DPY19L4: variants seen among roughly 807,000 people sequenced by gnomAD.
DPY19L4 encodes the protein probable C-mannosyltransferase DPY19L4.
Under a neutral mutation model 102.8 loss-of-function variants are expected in DPY19L4, and 97 were observed. The ratio of observed to expected loss-of-function variants is 0.94; its 90% CI spans 0.80 to 1.12. The LOEUF (loss-of-function observed/expected upper bound fraction) is 1.12, where lower values mean the gene tolerates loss of function less well. Ranked by LOEUF, DPY19L4 falls within the 50% of genes most tolerant of loss-of-function variation. The probability of loss-of-function intolerance (pLI) is 0.00; values close to 1 mark genes in which losing one functional copy is unlikely to be tolerated. For missense variants in DPY19L4, 815 were observed against 850.4 expected, an observed-to-expected ratio of 0.96 and a Z score of 0.52; for synonymous variants, 252 against 283.1, an observed-to-expected ratio of 0.89 and a Z score of 1.10.
intron 6 of DPY19L4, among the ~76,000 whole-genome samples, chr8:94,747,683 C>T (rs1437693952): frequency 1.3e-4 from 20 of 151,588 alleles, no homozygotes. Context: ...CTCAGCTTCC[C>T]GAGTAGCTAG....
intron 6 of DPY19L4, among the ~76,000 whole-genome samples, chr8:94,749,368 C>G (rs909693925): frequency 1.3e-5 from 2 of 152,104 alleles, no homozygotes; most frequent in Non-Finnish European, 2.9e-5. Context: ...AGACAAAGGT[C>G]CCTCAGCAAG....
intron 13 of DPY19L4, among the ~76,000 whole-genome samples, chr8:94,772,782 C>T (rs183852848): frequency 2.2e-4 from 33 of 152,284 alleles, no homozygotes; most frequent in African/African-American, 6.7e-4. Context: ...CCCAAAGGAC[C>T]CAGGCAAATG....
At chr8:94,742,416 A>G (rs749383936) in intron 6 of DPY19L4, among the ~76,000 whole-genome samples, 2 of 152,032 alleles carry the variant, frequency 1.3e-5, no homozygotes, top group Non-Finnish European at 2.9e-5. Flanking sequence ...TTTTTGAGAC[A>G]GAGTCTTACT....
chr8:94,751,831 G>A (rs1811945683), intron 6 of DPY19L4, among the ~76,000 whole-genome samples: 1 of 152,124 alleles, frequency 6.6e-6, no homozygotes, highest in African/African-American at 2.4e-5. Context: ...GTGTTTTCTA[G>A]AATTATATAT....
chr8:94,778,455 A>C (rs1195320597), intron 14 of DPY19L4, among the ~76,000 whole-genome samples: 1 of 152,126 alleles, frequency 6.6e-6, no homozygotes, highest in African/African-American at 2.4e-5. Context: ...TAATTATAGC[A>C]CACTTAATTT....
chr8:94,775,500 A>G (rs1361772383), intron 13 of DPY19L4, among the ~76,000 whole-genome samples: 1 of 152,114 alleles, frequency 6.6e-6, no homozygotes, highest in Non-Finnish European at 1.5e-5. Context: ...AAAAAAAGAA[A>G]TTCTTTTGTA....
At chr8:94,780,979 T>C in intron 15 of DPY19L4, 105 bp from the exon 16 acceptor site, 1 of 919,046 alleles carries the variant, frequency 1.1e-6, no homozygotes, top group Non-Finnish European at 1.6e-6. Context: ...TCATTTGCCT[T>C]AAGTTAGTCT....
Position 94,723,334 on chromosome 8 carries a change from G to A in DPY19L4, c.17-2997G>A, listed in dbSNP as rs546636243. ...TAAAAATACAAAAAATTAGCTGGGCGTAGTGGCGGATGCCTGTAATCCCAG... is the reference window on the plus strand; with the variant it reads ...TAAAAATACAAAAAATTAGCTGGGCATAGTGGCGGATGCCTGTAATCCCAG... On this transcript the variant is annotated intron_variant, in intron 1 of 18. Transcript: ENST00000414645. Among the ~76,000 whole-genome samples the A allele has an allele frequency of 1.9e-3, 284 of 152,224 alleles. 1 individual carries two copies. The highest frequency in any genetic ancestry group is 4.5e-3 in the African/African-American group (189 of 41,542).
At chr8:94,784,753 G>T (rs1813584873) in intron 17 of DPY19L4, among the ~76,000 whole-genome samples, 1 of 152,118 alleles carries the variant, frequency 6.6e-6, no homozygotes, top group Non-Finnish European at 1.5e-5. Context: ...TTAAAAGAAG[G>T]CTGTCAATTA....
chr8:94,752,760 G>T (rs974096413), intron 6 of DPY19L4, among the ~76,000 whole-genome samples: 4 of 150,416 alleles, frequency 2.7e-5, no homozygotes, highest in African/African-American at 7.3e-5. Flanking sequence ...CGCCACCCCG[G>T]TTCACGCCAT....
intron 6 of DPY19L4, among the ~76,000 whole-genome samples, chr8:94,751,316 C>T (rs998198796): frequency 6.6e-6 from 1 of 151,520 alleles, no homozygotes; most frequent in Non-Finnish European, 1.5e-5. Context: ...GACGGGGTTA[C>T]ACTATGTTGG....
At chr8:94,768,322 T>G in intron 11 of DPY19L4, 73 bp from the exon 12 acceptor site, 1 of 1,229,954 alleles carries the variant, frequency 8.1e-7, no homozygotes, top group Non-Finnish European at 1.1e-6. Context: ...TTTTTGCTGA[T>G]ATTAAAAAAA....
intron 2 of DPY19L4, among the ~76,000 whole-genome samples, chr8:94,726,972 C>G (rs1164196631): frequency 3.3e-5 from 5 of 152,152 alleles, no homozygotes; most frequent in Non-Finnish European, 5.9e-5. Flanking sequence ...ATTTATTTCT[C>G]TCCCTCAGAC....
In DPY19L4 at chr8:94,791,529, A is replaced by T. The variant is rs1813887589; in HGVS notation, c.*1619A>T. ...CTGTACATCTGAATAGTGAGTCACT[A>T]GTATTTTGCTTCAAGCCTTCTGAAA... On this transcript the variant is annotated 3_prime_UTR_variant, in exon 19 of 19. Coordinates refer to ENST00000414645, the MANE Select transcript of DPY19L4 (RefSeq NM_181787.3). 2 of 152,206 alleles carry T rather than the reference A, an allele frequency of 1.3e-5. No homozygotes were observed. The highest frequency in any genetic ancestry group is 1.3e-4 in the Admixed American group (2 of 15,276). 9.4% of individuals were successfully genotyped at this position (152,206 alleles called of 1,614,324 possible). A position where few individuals can be genotyped will look rare whatever the true frequency, so the allele number is the denominator to read the frequency against.
chr8:94,770,638 C>T, intron 13 of DPY19L4, 67 bp downstream of exon 13: 1 of 1,592,880 alleles, frequency 6.3e-7, no homozygotes, highest in Non-Finnish European at 8.5e-7. Flanking sequence ...TGACTCACAC[C>T]TGTAATCCCA....
Position 94,719,947 on chromosome 8 carries a change from G to T in DPY19L4, c.-52G>T, listed in dbSNP as rs1366382691. ...AGGGGTTCGGCGACGCGGAGGGAGG[G>T]AGAGTCTGGGCCGCGCGGGAGCCGC... On this transcript the variant is annotated 5_prime_UTR_variant, in exon 1 of 19. Coordinates refer to ENST00000414645, the MANE Select transcript of DPY19L4 (RefSeq NM_181787.3). The T allele has an allele frequency of 2.0e-6, 3 of 1,485,358 alleles. No individual in the cohort carries two copies. Among genetic ancestry groups the T allele is most frequent in the Non-Finnish European group, 2.7e-6 (3 of 1,116,250 alleles). The allele number at this position is 1,485,358 out of a possible 1,614,324, so 92.0% of individuals were successfully genotyped here.
intron 2 of DPY19L4, 81 bp from the exon 3 acceptor site, chr8:94,734,549 A>G: frequency 3.5e-6 from 5 of 1,430,502 alleles, no homozygotes; most frequent in South Asian, 1.3e-5. Flanking sequence ...GACAAAGACC[A>G]TAGAGGTAGA....
At chr8:94,727,171 T>C (rs544639712) in intron 2 of DPY19L4, among the ~76,000 whole-genome samples, 2 of 152,230 alleles carry the variant, frequency 1.3e-5, no homozygotes, top group African/African-American at 4.8e-5. Context: ...TGTTTGGTTA[T>C]TAGCTGGAAG....
At chr8:94,744,278 G>A (rs1181012698) in intron 6 of DPY19L4, 1 of 448,922 alleles carries the variant, frequency 2.2e-6, no homozygotes, top group Non-Finnish European at 4.5e-6. Context: ...TTTCCCAGAG[G>A]CCCAGTACCT....
Sources: gnomAD v4.1 joint callset for allele counts (sites outside exome capture counted in the v4.1 genomes callset) on GRCh38, gnomAD v4.1.1 for gene constraint, MANE v1.5 for transcripts, NCBI Gene and HGNC (gene_info 2026-07-23, HGNC 2026-07-21) for gene names.